The following SYN3 variants were observed in gnomAD, a reference collection of about 807,000 sequenced individuals.
The protein encoded by SYN3 is synapsin III, also known as synapsin-3.
Under a neutral mutation model 65.8 loss-of-function variants are expected in SYN3, and 35 were observed. That is an observed-to-expected ratio of 0.53 (90% CI 0.41 to 0.70). SYN3 has a LOEUF of 0.70. Ranked by LOEUF, SYN3 falls within the 30% of genes least tolerant of loss-of-function variation. The pLI is 0.00. For missense variants in SYN3, 680 were observed against 749.0 expected, an observed-to-expected ratio of 0.91 and a Z score of 1.08; for synonymous variants, 270 against 292.9, an observed-to-expected ratio of 0.92 and a Z score of 0.80.
At chr22:32,968,177 TCTC>T (rs2051905340) in intron 3 of SYN3, among the ~76,000 whole-genome samples, 1 of 152,114 alleles carries the variant, frequency 6.6e-6, no homozygotes, top group Non-Finnish European at 1.5e-5. Context: ...GGTCATCTCT[TCTC>T]CTCCAGTTTC....
intron 2 of SYN3, among the ~76,000 whole-genome samples, chr22:32,987,099 C>G (rs192785150): frequency 6.6e-6 from 1 of 152,056 alleles, no homozygotes; most frequent in Non-Finnish European, 1.5e-5. Context: ...GTAGAGTTAA[C>G]GCAGCCAGGG....
chr22:32,840,581 C>G (rs374787197), intron 6 of SYN3, among the ~76,000 whole-genome samples: 86 of 151,764 alleles, frequency 5.7e-4, no homozygotes, highest in Middle Eastern at 6.8e-3. Flanking sequence ...TCGGCTCTGG[C>G]TTTGCTCAGA....
intron 6 of SYN3, among the ~76,000 whole-genome samples, chr22:32,803,964 A>G (rs372709168): frequency 6.6e-6 from 1 of 152,088 alleles, no homozygotes; most frequent in African/African-American, 2.4e-5. Flanking sequence ...CCTGCTTCCA[A>G]TGGGGGCCTT....
chr22:33,007,516 A>T (rs1052159000), intron 1 of SYN3, among the ~76,000 whole-genome samples: 2 of 152,078 alleles, frequency 1.3e-5, no homozygotes, highest in Non-Finnish European at 1.5e-5. Flanking sequence ...GCCCTTTGGG[A>T]GGTAATTATG....
At chr22:33,032,083 G>A (rs570170270) in intron 1 of SYN3, among the ~76,000 whole-genome samples, 11 of 150,052 alleles carry the variant, frequency 7.3e-5, no homozygotes, top group Middle Eastern at 3.5e-3. Flanking sequence ...GGTGGCGGGC[G>A]CCTGTAGTCC....
intron 6 of SYN3, among the ~76,000 whole-genome samples, chr22:32,752,116 C>T (rs73156461): frequency 0.076 from 11,631 of 152,234 alleles, 514 homozygotes; most frequent in South Asian, 0.14. Context: ...TAAATACTTG[C>T]TGAGTGAGTA....
At chr22:32,657,975 C>T (rs1250003306) in intron 6 of SYN3, among the ~76,000 whole-genome samples, 2 of 152,326 alleles carry the variant, frequency 1.3e-5, no homozygotes, top group African/African-American at 4.8e-5. Flanking sequence ...CTGAATCTCC[C>T]TCAGTGCCCT....
At chr22:32,864,037 C>G (rs1331583684) in intron 6 of SYN3, among the ~76,000 whole-genome samples, 2 of 152,162 alleles carry the variant, frequency 1.3e-5, no homozygotes, top group Non-Finnish European at 2.9e-5. Context: ...AGAGTGATTA[C>G]TCCTGAAATC....
chr22:32,795,817 C>T (rs1244459611), intron 6 of SYN3, among the ~76,000 whole-genome samples: 3 of 152,100 alleles, frequency 2.0e-5, no homozygotes, highest in Non-Finnish European at 4.4e-5. Flanking sequence ...AAGAAGGATG[C>T]GATCAATGGT....
intron 6 of SYN3, among the ~76,000 whole-genome samples, chr22:32,780,990 C>CTTCCTTCCCTCCTTCA (rs2046043079): frequency 2.2e-5 from 3 of 139,350 alleles, no homozygotes; most frequent in African/African-American, 5.6e-5. Context: ...TCCTTCCTTC[C>CTTCCTTCCCTCCTTCA]TCTCTCTCAC....
chr22:32,668,235 T>C (rs1601877472), intron 6 of SYN3, among the ~76,000 whole-genome samples: 1 of 152,252 alleles, frequency 6.6e-6, no homozygotes, highest in Non-Finnish European at 1.5e-5. Flanking sequence ...AATTAGGTTT[T>C]ACTTTAAAAG....
Position 32,703,366 on chromosome 22 carries a change from C to T in SYN3, c.712-106630G>A, listed in dbSNP as rs758307391. On this transcript the variant is annotated intron_variant, in intron 6 of 13. Transcript: ENST00000358763. ...ATAAAGAGTTTTGCCTGGCCGGGCG[C>T]GGTGGCTCATGCCTGTAATCCCAGC... 3.5e-4 allele frequency among the ~76,000 whole-genome samples: 53 copies of T among 152,206 alleles called. 1 individual carries two copies. The highest frequency in any genetic ancestry group is 8.7e-4 in the African/African-American group (36 of 41,520).
intron 1 of SYN3, among the ~76,000 whole-genome samples, chr22:33,014,073 TAAA>T (rs133952): frequency 4.2e-4 from 55 of 129,768 alleles, no homozygotes; most frequent in East Asian, 4.5e-4. Flanking sequence ...CCCAGCTAGT[TAAA>T]AAAAAAAAAA....
At chr22:32,658,428 A>G (rs1179257660) in intron 6 of SYN3, among the ~76,000 whole-genome samples, 3 of 152,298 alleles carry the variant, frequency 2.0e-5, no homozygotes, top group Non-Finnish European at 4.4e-5. Flanking sequence ...CCTCCTGGAG[A>G]CTGGGCCTTG....
chr22:32,637,865 C>G, intron 6 of SYN3, among the ~76,000 whole-genome samples: 1 of 152,022 alleles, frequency 6.6e-6, no homozygotes, highest in Non-Finnish European at 1.5e-5. Context: ...TCTCGAACTC[C>G]CAACCTCAAA....
chr22:32,936,531 T>G (rs754215074), intron 3 of SYN3, among the ~76,000 whole-genome samples: 1 of 151,872 alleles, frequency 6.6e-6, no homozygotes, highest in South Asian at 2.1e-4. Flanking sequence ...CCTCACAAAC[T>G]CCAGGGAGAT....
intron 7 of SYN3, among the ~76,000 whole-genome samples, chr22:32,581,905 T>G (rs1385112347): frequency 6.7e-6 from 1 of 150,234 alleles, no homozygotes; most frequent in African/African-American, 2.4e-5. Flanking sequence ...ATTGAAGCAA[T>G]TCTTCTGCCT....
At chr22:32,620,976 C>T (rs1219375318) in intron 6 of SYN3, among the ~76,000 whole-genome samples, 2 of 152,064 alleles carry the variant, frequency 1.3e-5, no homozygotes, top group African/African-American at 4.8e-5. Context: ...CCTCGGTCTC[C>T]CAAAGTGTTG....
intron 4 of SYN3, among the ~76,000 whole-genome samples, chr22:32,892,315 T>TA (rs61626879): frequency 0.055 from 8,359 of 151,782 alleles, 755 homozygotes; most frequent in African/African-American, 0.19. Context: ...AAATAAAAAA[T>TA]AAAAAAGCCA....
Sources: gnomAD v4.1 joint callset for allele counts (sites outside exome capture counted in the v4.1 genomes callset) on GRCh38, gnomAD v4.1.1 for gene constraint, MANE v1.5 for transcripts, NCBI Gene and HGNC (gene_info 2026-07-23, HGNC 2026-07-21) for gene names.